The following PTBP2 variants were observed in gnomAD, a reference collection of about 807,000 sequenced individuals.
PTBP2 encodes the protein polypyrimidine tract binding protein 2, also known as polypyrimidine tract-binding protein 2.
In PTBP2, 13 loss-of-function variants were observed where a neutral mutation model predicts 61.4. The ratio of observed to expected loss-of-function variants is 0.21; its 90% confidence interval spans 0.14 to 0.34. PTBP2 has a LOEUF of 0.34. Ranked by LOEUF, PTBP2 falls within the 10% of genes least tolerant of loss-of-function variation. PTBP2 has a pLI of 1.00. For synonymous variants in PTBP2, 215 were observed against 218.5 expected (o/e 0.98, Z 0.14); for missense variants, 405 against 642.6 (o/e 0.63, Z 4.00).
At chr1:96,734,225 A>G (rs978628551) in intron 2 of PTBP2, among the ~76,000 whole-genome samples, 2 of 152,166 alleles carry the variant, frequency 1.3e-5, no homozygotes, top group Non-Finnish European at 2.9e-5. Flanking sequence ...AGCTAAAATG[A>G]TGATATCCAC....
intron 3 of PTBP2, among the ~76,000 whole-genome samples, chr1:96,760,912 C>T (rs1655766890): frequency 6.6e-6 from 1 of 152,104 alleles, no homozygotes; most frequent in Non-Finnish European, 1.5e-5. Context: ...TGTTTATCAA[C>T]AGGAAAATGG....
chr1:96,759,200 G>A (rs1254158502), intron 3 of PTBP2, among the ~76,000 whole-genome samples: 4 of 152,164 alleles, frequency 2.6e-5, no homozygotes, highest in Admixed American at 6.5e-5. Flanking sequence ...TAACATGCCA[G>A]TTCTCCCTAA....
At chr1:96,730,739 C>T (rs1182636059) in intron 2 of PTBP2, among the ~76,000 whole-genome samples, 1 of 152,174 alleles carries the variant, frequency 6.6e-6, no homozygotes, top group Non-Finnish European at 1.5e-5. Flanking sequence ...TCTTCTCAGG[C>T]TCTTGGCTCT....
chr1:96,785,188 G>A lies in PTBP2; in HGVS notation c.838G>A (p.Gly280Arg), dbSNP rs1189023594. ...RDYTRPDLPS[G>R]DGQPALDPAI... ...TTATACTCGACCTGATCTTCCATCTGGGGATGGACAACCTGCATTGGACCC... is the reference window on the plus strand; with the variant it reads ...TTATACTCGACCTGATCTTCCATCTAGGGATGGACAACCTGCATTGGACCC... The change falls in exon 8 of 14, where the codon GGG (glycine) becomes AGG (arginine). Residue 280 changes from glycine to arginine, a missense_variant. Around this residue, in one of 4 missense-constraint regions of PTBP2, gnomAD observed 342 missense variants for 491.2 expected, o/e 0.70. Coordinates refer to ENST00000674951, the MANE Select transcript of PTBP2 (RefSeq NM_021190.4). The A allele has an allele frequency of 1.9e-6, 3 of 1,610,460 alleles. No homozygotes were observed. The highest frequency in any genetic ancestry group is 2.5e-6 in the Non-Finnish European group (3 of 1,178,222).
chr1:96,741,080 C>T (rs893483507), intron 2 of PTBP2, among the ~76,000 whole-genome samples: 4 of 150,874 alleles, frequency 2.7e-5, no homozygotes, highest in East Asian at 1.9e-4. Context: ...CTTTGAAAAT[C>T]GGCATTGTTG....
chr1:96,779,132 T>A (rs1392934368), intron 7 of PTBP2, among the ~76,000 whole-genome samples: 1 of 152,116 alleles, frequency 6.6e-6, no homozygotes, highest in Non-Finnish European at 1.5e-5. Context: ...GGGTATAATC[T>A]AATCTTACTG....
Position 96,780,522 on chromosome 1 carries a change from T to C in PTBP2, c.708+2576T>C, listed in dbSNP as rs1430367720. Among the ~76,000 whole-genome samples the C allele has an allele frequency of 1.4e-4, 21 of 152,142 alleles. 1 individual carries two copies. Among genetic ancestry groups the C allele is most frequent in the Admixed American group, 1.4e-3 (21 of 15,266 alleles). ...GTAGAGTAGCTAAATGCTAGTGATA[T>C]GATTTAGTCCTTGTCTTACTTAATA... On this transcript the variant is annotated intron_variant, in intron 7 of 13. Transcript: ENST00000674951.
intron 2 of PTBP2, among the ~76,000 whole-genome samples, chr1:96,747,288 A>G (rs1653964277): frequency 6.6e-6 from 1 of 152,138 alleles, no homozygotes; most frequent in South Asian, 2.1e-4. Flanking sequence ...GCAATCCCAA[A>G]TAACAGTTTT....
At chr1:96,726,074 CAAAAAAAAAAAAAAAAA>C (rs762152365) in intron 2 of PTBP2, among the ~76,000 whole-genome samples, 69 of 54,218 alleles carry the variant, frequency 1.3e-3, no homozygotes, top group African/African-American at 3.8e-3. Flanking sequence ...GACTCTATCT[CAAAAAAAAAAAAAAAAA>C]AAAAAAAAAA....
rs757636369 is a variant in PTBP2 at position 96,770,735 on chromosome 1, G to A, written c.316G>A (p.Ala106Thr). The A allele has an allele frequency of 6.2e-7, 1 of 1,611,940 alleles. No individual in the cohort carries two copies. The highest frequency in any genetic ancestry group is 1.1e-5 in the South Asian group (1 of 90,732). Residue 106 changes from alanine to threonine, a missense_variant, in exon 5 of 14, where the codon GCA becomes ACA. This residue lies in a region of PTBP2 where 342 missense variants were observed against 491.2 expected (regional missense o/e 0.70). Transcript: ENST00000674951. Reference protein sequence around the residue: ...QAFLELATEEAAITMVNYYSA... With the variant: ...QAFLELATEETAITMVNYYSA... ...ATTTTTGGAACTAGCAACCGAGGAA[G>A]CAGCTATTACTATGGTTAATTACTA...
intron 8 of PTBP2, among the ~76,000 whole-genome samples, chr1:96,790,410 C>T (rs144241289): frequency 1.3e-4 from 20 of 151,884 alleles, no homozygotes; most frequent in African/African-American, 3.9e-4. Context: ...CTGATCCTTT[C>T]GTTACTTTTT....
chr1:96,799,294 C>CTTTTTTTTTTTTTTTTTTTTTTTT lies in PTBP2; in HGVS notation c.905-5487_905-5486insTTTTTTTTTTTTTTTTTTTTTTTT, dbSNP rs373815292. Among the ~76,000 whole-genome samples, 50 of 92,156 alleles carry CTTTTTTTTTTTTTTTTTTTTTTTT rather than the reference C, an allele frequency of 5.4e-4. 5 individuals carry two copies. The highest frequency in any genetic ancestry group is 1.2e-3 in the African/African-American group (25 of 20,650). 60.5% of individuals were successfully genotyped at this position (92,156 alleles called of 152,430 possible). ...ATAGCAATCCTCAGAATAGATCAAG[C>CTTTTTTTTTTTTTTTTTTTTTTTT]TTTTTTTTTTTTTTTTTTTGAGATG... is the stretch of plus-strand genomic sequence containing the variant. On this transcript the variant is annotated intron_variant, in intron 8 of 13. Transcript: ENST00000674951.
rs1657177981 is a variant in PTBP2 at position 96,769,778 on chromosome 1, G to A, written c.191G>A (p.Arg64Gln). ...DGAPSRVLHIRKLPGEVTETE... is the reference protein window; with the variant it reads ...DGAPSRVLHIQKLPGEVTETE... ...GCTCCTTCTCGTGTACTTCATATTC[G>A]AAAATTACCTGGGGAAGTAACAGAA... The change falls in exon 4 of 14, where the codon CGA becomes CAA. Residue 64 changes from arginine (R) to glutamine (Q), a missense_variant. Arg to Gln is a conservative substitution (Grantham distance 43). This residue lies in a region of PTBP2 where 342 missense variants were observed against 491.2 expected (regional missense o/e 0.70). Transcript: ENST00000674951. 1 of 1,611,744 alleles carries A rather than the reference G, an allele frequency of 6.2e-7. No homozygotes were observed. Among genetic ancestry groups the A allele is most frequent in the African/African-American group, 1.3e-5 (1 of 74,908 alleles).
chr1:96,775,926 G>T, intron 5 of PTBP2, among the ~76,000 whole-genome samples: 1 of 151,732 alleles, frequency 6.6e-6, no homozygotes, highest in East Asian at 1.9e-4. Flanking sequence ...ATAAAAATAT[G>T]AATAGTATTG....
chr1:96,804,281 AAAT>A (rs768417334), intron 8 of PTBP2, among the ~76,000 whole-genome samples: 15 of 152,328 alleles, frequency 9.8e-5, no homozygotes, highest in South Asian at 2.1e-4. Context: ...TGCATGAATT[AAAT>A]AATGATGTTC....
chr1:96,736,271 A>G (rs560594790), intron 2 of PTBP2, among the ~76,000 whole-genome samples: 1 of 152,358 alleles, frequency 6.6e-6, no homozygotes, highest in African/African-American at 2.4e-5. Context: ...AGTCTGATAT[A>G]GAAGTGAGGC....
At chr1:96,727,448 A>G (rs1040211464) in intron 2 of PTBP2, among the ~76,000 whole-genome samples, 1 of 152,186 alleles carries the variant, frequency 6.6e-6, no homozygotes, top group Non-Finnish European at 1.5e-5. Context: ...TGATAGGCAT[A>G]TGTTTAACTT....
At chr1:96,769,976 G>A in intron 4 of PTBP2, 101 bp downstream of exon 4, 1 of 963,968 alleles carries the variant, frequency 1.0e-6, no homozygotes. Flanking sequence ...TTTTCTTAAA[G>A]AACAGAAGTC....
intron 5 of PTBP2, among the ~76,000 whole-genome samples, chr1:96,773,139 A>G (rs938772227): frequency 3.3e-5 from 5 of 150,760 alleles, no homozygotes; most frequent in Admixed American, 3.3e-4. Flanking sequence ...AAAAAAAAAA[A>G]AAAAAAAGAG....
Sources: allele counts gnomAD v4.1 joint callset (sites outside exome capture counted in the v4.1 genomes callset), GRCh38; gene constraint gnomAD v4.1.1; regional missense constraint gnomAD v4.1.1; transcripts MANE v1.5; gene names NCBI Gene and HGNC (gene_info 2026-07-23, HGNC 2026-07-21).